Variants in MAP4K4 observed in about 807,000 individuals in gnomAD.
MAP4K4 encodes the protein HPK/GCK-like kinase HGK.
Under a neutral mutation model 189.6 loss-of-function variants are expected in MAP4K4, and 38 were observed. The observed-to-expected ratio is 0.20, with a 90% CI of 0.15 to 0.26. The LOEUF is 0.26. MAP4K4 is among the 10% of genes least tolerant of loss of function. MAP4K4 has a pLI of 1.00. For synonymous variants in MAP4K4, 610 were observed against 624.3 expected (o/e 0.98, Z 0.34); for missense variants, 1,054 against 1,726.9 (o/e 0.61, Z 6.91).
intron 2 of MAP4K4, among the ~76,000 whole-genome samples, chr2:101,785,016 C>T (rs1308296856): frequency 6.6e-6 from 1 of 152,134 alleles, no homozygotes; most frequent in African/African-American, 2.4e-5. Context: ...AACATGGTTC[C>T]TGTGTCCTGT....
At chr2:101,889,660 C>T (rs1465499228) in intron 32 of MAP4K4, among the ~76,000 whole-genome samples, 1 of 152,128 alleles carries the variant, frequency 6.6e-6, no homozygotes, top group Non-Finnish European at 1.5e-5. Flanking sequence ...TTCTTCTGCC[C>T]AGTCAGACAA....
chr2:101,865,183 A>G, intron 18 of MAP4K4, 147 bp downstream of exon 18: 1 of 570,342 alleles, frequency 1.8e-6, no homozygotes, highest in South Asian at 2.7e-5. Flanking sequence ...CATAAAATCC[A>G]TCAACGTGGA....
intron 8 of MAP4K4, among the ~76,000 whole-genome samples, chr2:101,835,454 AT>A (rs2096722553): frequency 6.6e-6 from 1 of 152,194 alleles, no homozygotes; most frequent in African/African-American, 2.4e-5. Flanking sequence ...TCTTTCTAGT[AT>A]TTTTAGCTAT....
rs948571885 is a variant in MAP4K4 at position 101,888,659 on chromosome 2, C to A, written c.3932-137C>A. 6.9e-5 allele frequency: 41 copies of A among 593,968 alleles called. No homozygotes were observed. In the South Asian group the frequency reaches 2.0e-3, roughly 28 times the overall value. 36.8% of individuals were successfully genotyped at this position (593,968 alleles called of 1,614,324 possible). A position where few individuals can be genotyped will look rare whatever the true frequency, so the allele number is the denominator to read the frequency against. ...AAGGCAGAGTTCCTTGAAAACAAATCCTTAAATGCTAGGCATTTAAATTTT... is the reference window on the plus strand; with the variant it reads ...AAGGCAGAGTTCCTTGAAAACAAATACTTAAATGCTAGGCATTTAAATTTT... On this transcript the variant is annotated intron_variant, in intron 31 of 32. Transcript: ENST00000324219.
chr2:101,867,896 A>C, intron 20 of MAP4K4, 133 bp from the exon 21 acceptor site: 2 of 821,878 alleles, frequency 2.4e-6, no homozygotes, highest in Non-Finnish European at 4.1e-6. Flanking sequence ...TAAGCCTGTC[A>C]GAGTTTTCAT....
chr2:101,868,667 G>T (rs983744202), intron 21 of MAP4K4, among the ~76,000 whole-genome samples: 1 of 152,214 alleles, frequency 6.6e-6, no homozygotes, highest in African/African-American at 2.4e-5. Flanking sequence ...AAGGCTTGAA[G>T]GAGGGCGTTA....
At chr2:101,734,712 T>A (rs577169880) in intron 2 of MAP4K4, among the ~76,000 whole-genome samples, 144 of 152,278 alleles carry the variant, frequency 9.5e-4, no homozygotes, top group African/African-American at 3.4e-3. Context: ...CCAATCCTTT[T>A]TGCCTGCCTT....
chr2:101,725,387 CAAAAAA>C (rs547130880), intron 2 of MAP4K4, among the ~76,000 whole-genome samples: 1 of 110,964 alleles, frequency 9.0e-6, no homozygotes, highest in African/African-American at 3.3e-5. Context: ...AAAAGATAAG[CAAAAAA>C]AAAAAAACAA....
chr2:101,781,912 T>C (rs2087773601), intron 2 of MAP4K4, among the ~76,000 whole-genome samples: 1 of 152,184 alleles, frequency 6.6e-6, no homozygotes, highest in African/African-American at 2.4e-5. Flanking sequence ...CTGCCATCTG[T>C]CCTAGAACAC....
chr2:101,869,353 G>T (rs1196381695), intron 21 of MAP4K4, among the ~76,000 whole-genome samples: 1 of 151,248 alleles, frequency 6.6e-6, no homozygotes. Flanking sequence ...AACATAAGCA[G>T]ATCTTTTTTT....
intron 2 of MAP4K4, among the ~76,000 whole-genome samples, chr2:101,743,669 C>CT (rs2063845524): frequency 6.6e-6 from 1 of 151,806 alleles, no homozygotes; most frequent in African/African-American, 2.4e-5. Flanking sequence ...TTCTTTTTTT[C>CT]TTTTTTGAGA....
chr2:101,832,235 G>A (rs888082946), intron 7 of MAP4K4, among the ~76,000 whole-genome samples: 9 of 151,988 alleles, frequency 5.9e-5, no homozygotes, highest in African/African-American at 2.2e-4. Context: ...TTATATTCTT[G>A]TTAAACCACT....
chr2:101,732,670 A>G (rs773365223), intron 2 of MAP4K4, among the ~76,000 whole-genome samples: 7 of 152,070 alleles, frequency 4.6e-5, no homozygotes, highest in African/African-American at 9.7e-5. Flanking sequence ...GCTCACTGCA[A>G]TCTCCGCCTC....
intron 5 of MAP4K4, among the ~76,000 whole-genome samples, chr2:101,825,822 A>G (rs1196391974): frequency 2.6e-5 from 4 of 152,234 alleles, no homozygotes; most frequent in Admixed American, 6.5e-5. Context: ...CTGGTTTTCA[A>G]AATCACCTTG....
chr2:101,892,173 GA>G (rs1257691218), exon 33 of MAP4K4: 2 of 151,930 alleles, frequency 1.3e-5, no homozygotes, highest in Non-Finnish European at 2.9e-5. Flanking sequence ...GCAGAAGAAA[GA>G]AAAAAATTCA....
rs57392183 is a variant in MAP4K4, at chr2:101,755,929, C to CTT, written c.124-34763_124-34762dup. 1.9e-3 allele frequency among the ~76,000 whole-genome samples: 107 copies of CTT among 57,806 alleles called. 5 individuals carry two copies. Among genetic ancestry groups the CTT allele is most frequent in the Non-Finnish European group, 2.4e-3 (78 of 32,310 alleles). 37.9% of individuals were successfully genotyped at this position (57,806 alleles called of 152,430 possible). ...TTTATTTATAGTATGAGTTCTTTTTCTTTTTTTTTTTTTTTTTTTTTTTTT... is the reference window on the plus strand; with the variant it reads ...TTTATTTATAGTATGAGTTCTTTTTCTTTTTTTTTTTTTTTTTTTTTTTTTTT... On this transcript the variant is annotated intron_variant, in intron 2 of 32. Transcript: ENST00000324219.
At chr2:101,724,834 T>C (rs1202214860) in intron 2 of MAP4K4, among the ~76,000 whole-genome samples, 2 of 152,234 alleles carry the variant, frequency 1.3e-5, no homozygotes, top group East Asian at 1.9e-4. Flanking sequence ...AGTATAGTTA[T>C]GTGCACATAA....
At chr2:101,806,445 G>A (rs887060686) in intron 3 of MAP4K4, among the ~76,000 whole-genome samples, 1 of 147,944 alleles carries the variant, frequency 6.8e-6, no homozygotes, top group East Asian at 2.0e-4. Flanking sequence ...GCACGATCAC[G>A]GCTCACTGCA....
intron 2 of MAP4K4, among the ~76,000 whole-genome samples, chr2:101,784,823 TC>T (rs1417180355): frequency 6.6e-6 from 1 of 152,220 alleles, no homozygotes; most frequent in Non-Finnish European, 1.5e-5. Flanking sequence ...TCATTTTTGT[TC>T]CAGGTCCACA....
Sources: allele counts gnomAD v4.1 joint callset (sites outside exome capture counted in the v4.1 genomes callset), GRCh38; gene constraint gnomAD v4.1.1; transcripts MANE v1.5; gene names NCBI Gene and HGNC (gene_info 2026-07-23, HGNC 2026-07-21).